ABCC1: variants seen among roughly 807,000 people sequenced by gnomAD.
The protein encoded by ABCC1 is ATP binding cassette subfamily C member 1 (ABCC1 blood group).
A neutral mutation model predicts 172.9 loss-of-function variants in ABCC1; 83 were observed. That is an observed-to-expected ratio of 0.48 (90% CI 0.40 to 0.58). The LOEUF (loss-of-function observed/expected upper bound fraction) is 0.58, where lower values mean the gene tolerates loss of function less well. ABCC1 is among the 20% of genes least tolerant of loss of function. The probability of loss-of-function intolerance (pLI) is 0.00; values close to 1 mark genes in which losing one functional copy is unlikely to be tolerated. For synonymous variants in ABCC1, 937 were observed against 825.2 expected (o/e 1.14, Z -2.32); for missense variants, 1,817 against 2,002.7 (o/e 0.91, Z 1.77).
chr16:16,100,603 C>G (rs2051690503), intron 19 of ABCC1, among the ~76,000 whole-genome samples: 1 of 152,184 alleles, frequency 6.6e-6, no homozygotes, highest in Admixed American at 6.5e-5. Context: ...TTAGACAAAA[C>G]AAAACAGATG....
At position 16,037,357 on chromosome 16, in the gene ABCC1, C is replaced by T. The variant is rs535363790; in HGVS notation, c.809+754C>T. Among the ~76,000 whole-genome samples the T allele has an allele frequency of 8.5e-5, 13 of 152,298 alleles. No homozygotes were observed. In the South Asian group the frequency reaches 1.2e-3, roughly 15 times the overall value. ...TTTAGGCTCTACCCCCTATGTAAGG[C>T]GTGCCCCACTGCACCACCTCTGTCA... On this transcript the variant is annotated intron_variant, in intron 7 of 30. Coordinates refer to ENST00000399410, the MANE Select transcript of ABCC1 (RefSeq NM_004996.4).
At chr16:15,956,803 AAGG>A (rs1409406292) in intron 1 of ABCC1, among the ~76,000 whole-genome samples, 2 of 152,244 alleles carry the variant, frequency 1.3e-5, no homozygotes, top group African/African-American at 2.4e-5. Context: ...TGAGGAGGCT[AAGG>A]AGGAGGAGGA....
At chr16:16,102,820 G>C in intron 20 of ABCC1, 103 bp downstream of exon 20, 1 of 1,132,252 alleles carries the variant, frequency 8.8e-7, no homozygotes, top group East Asian at 2.6e-5. Flanking sequence ...GTCCTGGAAG[G>C]CCTGGGCTTT....
intron 22 of ABCC1, among the ~76,000 whole-genome samples, chr16:16,112,383 A>C (rs952292954): frequency 5.3e-5 from 8 of 151,728 alleles, no homozygotes; most frequent in Non-Finnish European, 1.0e-4. Flanking sequence ...ACAAAAAAAA[A>C]AAAACCCTGC....
intron 4 of ABCC1, among the ~76,000 whole-genome samples, 180 bp downstream of exon 4, chr16:16,014,808 A>G (rs562173563): frequency 6.6e-6 from 1 of 152,222 alleles, no homozygotes; most frequent in East Asian, 1.9e-4. Flanking sequence ...AATCAGCCCC[A>G]GCCTTTTTTC....
At chr16:15,952,877 C>CAA (rs770433015) in intron 1 of ABCC1, among the ~76,000 whole-genome samples, 16 of 102,998 alleles carry the variant, frequency 1.6e-4, no homozygotes, top group South Asian at 3.1e-4. Context: ...CTAATAATAC[C>CAA]AAAAAAAAAA....
intron 1 of ABCC1, among the ~76,000 whole-genome samples, chr16:15,966,012 A>G (rs1307739262): frequency 1.3e-5 from 2 of 152,102 alleles, no homozygotes; most frequent in African/African-American, 4.8e-5. Context: ...GCTTCACTCT[A>G]GCCATTGTCT....
At position 16,114,434 on chromosome 16, in the gene ABCC1, G is replaced by A. The variant is rs554507942; in HGVS notation, c.3080-332G>A. The stretch of plus-strand genomic sequence containing the variant: ...TGGCTCACTGCAACCTCCACCTCCC[G>A]GATTCAAGCAATTCCCTTGCCTCAG... On this transcript the variant is annotated intron_variant, in intron 22 of 30. Coordinates refer to ENST00000399410, the MANE Select transcript of ABCC1 (RefSeq NM_004996.4). Among the ~76,000 whole-genome samples the A allele has an allele frequency of 1.2e-4, 18 of 151,714 alleles. No homozygotes were observed. The South Asian group carries it at 1.7e-3, about 14-fold the overall frequency.
At chr16:16,022,277 C>G (rs1049410051) in intron 5 of ABCC1, among the ~76,000 whole-genome samples, 1 of 152,166 alleles carries the variant, frequency 6.6e-6, no homozygotes, top group African/African-American at 2.4e-5. Context: ...GATGTCTATT[C>G]CAGCCCTGGC....
chr16:16,010,950 G>C (rs2047753632), intron 3 of ABCC1, among the ~76,000 whole-genome samples: 1 of 152,074 alleles, frequency 6.6e-6, no homozygotes, highest in Non-Finnish European at 1.5e-5. Flanking sequence ...AAAGAGGAGG[G>C]AGGCTGGGCA....
intron 14 of ABCC1, among the ~76,000 whole-genome samples, chr16:16,072,921 A>C (rs951893036): frequency 6.6e-6 from 1 of 151,720 alleles, no homozygotes; most frequent in Non-Finnish European, 1.5e-5. Flanking sequence ...GGGCACCTGT[A>C]ATCCCAACTA....
At chr16:16,104,701 G>A (rs944461350) in intron 20 of ABCC1, among the ~76,000 whole-genome samples, 4 of 152,326 alleles carry the variant, frequency 2.6e-5, no homozygotes, top group Non-Finnish European at 5.9e-5. Context: ...GGAAGGGACT[G>A]GGCGCCATGG....
At position 16,089,273 on chromosome 16, in the gene ABCC1, C is replaced by T. The variant is rs4497718; in HGVS notation, c.2461-1132C>T. On this transcript the variant is annotated intron_variant, in intron 18 of 30. Coordinates refer to ENST00000399410, the MANE Select transcript of ABCC1 (RefSeq NM_004996.4). ...AAAAAAATTAAGCCAGAGCTGGGCA[C>T]GGTAGCGCATGCCTGTAGTCCCAGC... Among the ~76,000 whole-genome samples the T allele has an allele frequency of 1.9e-3, 286 of 152,180 alleles. 1 individual carries two copies. Among genetic ancestry groups the T allele is most frequent in the Admixed American group, 6.7e-3 (103 of 15,266 alleles).
intron 19 of ABCC1, among the ~76,000 whole-genome samples, chr16:16,093,717 C>T (rs945419302): frequency 6.6e-6 from 1 of 152,286 alleles, no homozygotes. Context: ...ACTCGAAGCG[C>T]CAATGACCTT....
At chr16:16,077,696 A>G (rs112902491) in intron 15 of ABCC1, among the ~76,000 whole-genome samples, 23 of 152,176 alleles carry the variant, frequency 1.5e-4, no homozygotes, top group Admixed American at 4.6e-4. Flanking sequence ...TGAAACAATC[A>G]GTGACAGCAA....
chr16:16,000,044 G>C (rs1242931442), intron 1 of ABCC1, among the ~76,000 whole-genome samples: 1 of 150,128 alleles, frequency 6.7e-6, no homozygotes, highest in East Asian at 2.0e-4. Flanking sequence ...TAGTACAGAC[G>C]GAGTTTCACC....
At chr16:16,095,922 T>C (rs2051454606) in intron 19 of ABCC1, among the ~76,000 whole-genome samples, 1 of 152,166 alleles carries the variant, frequency 6.6e-6, no homozygotes, top group African/African-American at 2.4e-5. Context: ...TTTTTCTTAA[T>C]GATTATAAAA....
At chr16:15,953,138 C>T (rs181102315) in intron 1 of ABCC1, among the ~76,000 whole-genome samples, 1 of 152,166 alleles carries the variant, frequency 6.6e-6, no homozygotes, top group East Asian at 1.9e-4. Context: ...GGGTTCAAGA[C>T]CAGCCTGACC....
At chr16:16,092,407 C>G (rs1193399774) in intron 19 of ABCC1, among the ~76,000 whole-genome samples, 1 of 152,184 alleles carries the variant, frequency 6.6e-6, no homozygotes, top group Admixed American at 6.5e-5. Flanking sequence ...ACCTCCGAAG[C>G]CCTAGGCAAC....
Sources: allele counts gnomAD v4.1 joint callset (sites outside exome capture counted in the v4.1 genomes callset), GRCh38; gene constraint gnomAD v4.1.1; transcripts MANE v1.5; gene names NCBI Gene and HGNC (gene_info 2026-07-23, HGNC 2026-07-21).